SNTB2: variants seen among roughly 807,000 people sequenced by gnomAD.
SNTB2 encodes beta-2-syntrophin.
Under a neutral mutation model 46.2 loss-of-function variants are expected in SNTB2, and 34 were observed. The observed-to-expected ratio is 0.74, with a 90% CI of 0.56 to 0.98. The LOEUF (loss-of-function observed/expected upper bound fraction) is 0.98, where lower values mean the gene tolerates loss of function less well. Among genes scored for constraint, SNTB2 ranks in the 50% least tolerant of loss-of-function variants. The probability of loss-of-function intolerance (pLI) is 0.00; values close to 1 mark genes in which losing one functional copy is unlikely to be tolerated. For synonymous variants in SNTB2, 290 were observed against 312.6 expected (o/e 0.93, Z 0.76); for missense variants, 603 against 731.4 (o/e 0.82, Z 2.02).
intron 1 of SNTB2, among the ~76,000 whole-genome samples, chr16:69,223,391 C>T (rs987010192): frequency 5.3e-5 from 8 of 151,878 alleles, no homozygotes; most frequent in South Asian, 2.1e-4. Flanking sequence ...GTCAAGGTTT[C>T]GCCATGTTGG....
chr16:69,220,208 C>A (rs1964388342), intron 1 of SNTB2, among the ~76,000 whole-genome samples: 1 of 130,308 alleles, frequency 7.7e-6, no homozygotes, highest in African/African-American at 3.0e-5. Context: ...GTTGCCCAGG[C>A]TGGAGTGCAG....
intron 4 of SNTB2, among the ~76,000 whole-genome samples, chr16:69,280,549 C>G (rs1397643972): frequency 1.3e-5 from 2 of 149,442 alleles, no homozygotes; most frequent in East Asian, 4.0e-4. Context: ...GCTCACACCC[C>G]CACCTCCCTC....
intron 4 of SNTB2, among the ~76,000 whole-genome samples, chr16:69,276,884 A>T (rs1247815998): frequency 6.6e-6 from 1 of 152,210 alleles, no homozygotes; most frequent in Non-Finnish European, 1.5e-5. Flanking sequence ...ATGCCAGTTT[A>T]ACTTCCAAAT....
At chr16:69,188,656 C>T (rs1408357847) in intron 1 of SNTB2, among the ~76,000 whole-genome samples, 2 of 152,168 alleles carry the variant, frequency 1.3e-5, no homozygotes, top group Non-Finnish European at 2.9e-5. Context: ...CTGCTTTCTT[C>T]AGAAATTTTT....
At position 69,187,190 on chromosome 16, in the gene SNTB2, G is replaced by A; in HGVS notation, c.24G>A (p.Ala8=). 2 of 1,380,858 alleles carry A rather than the reference G, an allele frequency of 1.4e-6. No individual in the cohort carries two copies. Among genetic ancestry groups the A allele is most frequent in the South Asian group, 1.7e-5 (1 of 58,414 alleles). 85.5% of individuals were successfully genotyped at this position (1,380,858 alleles called of 1,614,324 possible). The change falls in exon 1 of 7, where the codon GCG becomes GCA. Residue 8 remains alanine, a synonymous_variant. Coordinates refer to ENST00000336278, the MANE Select transcript of SNTB2 (RefSeq NM_006750.4). MRVAAAT[A]AAGAGPAMAV... The stretch of plus-strand genomic sequence containing the variant: ...GAATGAGGGTAGCTGCGGCGACTGC[G>A]GCGGCTGGAGCGGGGCCGGCCATGG...
At chr16:69,280,891 G>A (rs1258411295) in intron 4 of SNTB2, among the ~76,000 whole-genome samples, 2 of 150,812 alleles carry the variant, frequency 1.3e-5, no homozygotes, top group African/African-American at 2.4e-5. Flanking sequence ...TCTGCCTCCC[G>A]GGTTCACGCC....
At chr16:69,283,652 A>G (rs1305676064) in intron 4 of SNTB2, among the ~76,000 whole-genome samples, 2 of 152,166 alleles carry the variant, frequency 1.3e-5, no homozygotes, top group Non-Finnish European at 2.9e-5. Flanking sequence ...TAATTTACTT[A>G]TTTCCTAATC....
chr16:69,211,248 G>C (rs1162565116), intron 1 of SNTB2, among the ~76,000 whole-genome samples: 2 of 152,092 alleles, frequency 1.3e-5, no homozygotes, highest in Non-Finnish European at 2.9e-5. Context: ...ACTTTGGAGA[G>C]AAACAACTTC....
In SNTB2 at chr16:69,260,219, G is replaced by A. The variant is rs145887598; in HGVS notation, c.964G>A (p.Gly322Ser). 5.0e-5 allele frequency: 81 copies of A among 1,614,174 alleles called. No individual in the cohort carries two copies. In the African/African-American group the frequency reaches 6.9e-4, roughly 14 times the overall value. Residue 322 changes from glycine (G) to serine (S), a missense_variant, in exon 3 of 7, where the codon GGC becomes AGC. By Grantham distance (56) the Gly-to-Ser change is moderately conservative. Coordinates refer to ENST00000336278, the MANE Select transcript of SNTB2 (RefSeq NM_006750.4). Reference protein sequence around the residue: ...AMLGATSTAGGSKEVKHIAWL... With the variant: ...AMLGATSTAGSSKEVKHIAWL... ...GCTTGGGGCAACCAGTACAGCAGGA[G>A]GCAGTAAAGAGGTGAAGCATATTGC...
rs1964743539 is a variant in SNTB2 at position 69,253,354 on chromosome 16, A to G, written c.795-6696A>G. Among the ~76,000 whole-genome samples the G allele has an allele frequency of 2.6e-5, 4 of 152,096 alleles. No homozygotes were observed. In the South Asian group the frequency reaches 8.3e-4, roughly 32 times the overall value. On this transcript the variant is annotated intron_variant, in intron 2 of 6. Coordinates refer to ENST00000336278, the MANE Select transcript of SNTB2 (RefSeq NM_006750.4). ...AATCGCAAAATTTTTCTTTTCATAAAAAACTGGTTAACTGGCCGGGCGTGG... is the reference window on the plus strand; with the variant it reads ...AATCGCAAAATTTTTCTTTTCATAAGAAACTGGTTAACTGGCCGGGCGTGG...
At chr16:69,249,673 C>G (rs1964707109) in intron 2 of SNTB2, among the ~76,000 whole-genome samples, 1 of 152,102 alleles carries the variant, frequency 6.6e-6, no homozygotes, top group East Asian at 1.9e-4. Flanking sequence ...ACCATTATAC[C>G]TTCCTTTTCA....
intron 1 of SNTB2, among the ~76,000 whole-genome samples, chr16:69,196,345 A>G (rs1288364803): frequency 4.0e-5 from 6 of 151,260 alleles, no homozygotes; most frequent in African/African-American, 1.5e-4. Flanking sequence ...TAAGCTCTTT[A>G]TGATCACAAC....
chr16:69,193,713 T>C (rs4544231), intron 1 of SNTB2, among the ~76,000 whole-genome samples: 50,302 of 152,078 alleles, frequency 0.33, 9,042 homozygotes, highest in African/African-American at 0.45. Context: ...TTCAAGGCTC[T>C]TTGGGTTTCA....
At chr16:69,276,346 T>C (rs1597196562) in intron 4 of SNTB2, among the ~76,000 whole-genome samples, 4 of 152,266 alleles carry the variant, frequency 2.6e-5, no homozygotes, top group Admixed American at 2.0e-4. Context: ...TTTAGCAGTG[T>C]TCCCAACCAA....
At chr16:69,260,335 G>A in intron 3 of SNTB2, 75 bp downstream of exon 3, 5 of 1,353,794 alleles carry the variant, frequency 3.7e-6, no homozygotes, top group Non-Finnish European at 5.2e-6. Flanking sequence ...TAATATATCT[G>A]TAATACTTAC....
intron 1 of SNTB2, among the ~76,000 whole-genome samples, chr16:69,206,287 AC>A (rs1964218067): frequency 6.6e-6 from 1 of 152,110 alleles, no homozygotes; most frequent in Non-Finnish European, 1.5e-5. Flanking sequence ...GGCATGAGTC[AC>A]TGTTCCCTGC....
chr16:69,295,542 C>G (rs1479801046), intron 5 of SNTB2, among the ~76,000 whole-genome samples: 1 of 152,018 alleles, frequency 6.6e-6, no homozygotes, highest in Non-Finnish European at 1.5e-5. Context: ...GCCACCGCGC[C>G]CAGCCAACAT....
At position 69,292,608 on chromosome 16, in the gene SNTB2, A is replaced by ATT. The variant is rs555750337; in HGVS notation, c.1346-6967_1346-6966dup. The stretch of plus-strand genomic sequence containing the variant: ...AGGTGCCCACCACCATGCCCAGCTA[A>ATT]TTTTTTTTTTTTTTTTGCATTTTTA... On this transcript the variant is annotated intron_variant, in intron 5 of 6. Transcript: ENST00000336278. 1.8e-3 allele frequency among the ~76,000 whole-genome samples: 218 copies of ATT among 119,758 alleles called. 1 individual carries two copies. Among genetic ancestry groups the ATT allele is most frequent in the South Asian group, 8.1e-3 (30 of 3,686 alleles). 78.6% of individuals were successfully genotyped at this position (119,758 alleles called of 152,430 possible). A position where few individuals can be genotyped will look rare whatever the true frequency, so the allele number is the denominator to read the frequency against.
intron 1 of SNTB2, among the ~76,000 whole-genome samples, chr16:69,218,350 A>G (rs1026609657): frequency 2.6e-5 from 4 of 152,168 alleles, no homozygotes; most frequent in African/African-American, 9.7e-5. Context: ...AATTAAATGT[A>G]GATAGTTCTA....
Sources: gnomAD v4.1 joint callset for allele counts (sites outside exome capture counted in the v4.1 genomes callset) on GRCh38, gnomAD v4.1.1 for gene constraint, MANE v1.5 for transcripts, NCBI Gene and HGNC (gene_info 2026-07-23, HGNC 2026-07-21) for gene names.